MYH3: variants seen among roughly 807,000 people sequenced by gnomAD.
The protein encoded by MYH3 is myosin heavy chain 3.
In MYH3, 130 loss-of-function variants were observed where a neutral mutation model predicts 238.0. The ratio of observed to expected loss-of-function variants is 0.55; its 90% CI spans 0.47 to 0.63. The LOEUF is 0.63. MYH3 is among the 30% of genes least tolerant of loss of function. The pLI, the probability that MYH3 is intolerant of heterozygous loss-of-function variation, is 0.00. For synonymous variants in MYH3, 880 were observed against 924.1 expected (o/e 0.95, Z 0.86); for missense variants, 1,853 against 2,374.9 (o/e 0.78, Z 4.57).
At chr17:10,671,435 C>T in the MYH3 span, among the ~76,000 whole-genome samples, 1 of 152,250 alleles carries the variant, frequency 6.6e-6, no homozygotes, top group African/African-American at 2.4e-5. Context: ...TACCCCCATC[C>T]TCAATGGGTA....
intron 28 of MYH3, among the ~76,000 whole-genome samples, chr17:10,636,563 G>A (rs1210706637): frequency 1.3e-5 from 2 of 152,084 alleles, no homozygotes; most frequent in African/African-American, 4.8e-5. Flanking sequence ...ATAGAGGTAA[G>A]AGAAAAACAT....
intron 28 of MYH3, among the ~76,000 whole-genome samples, chr17:10,637,311 C>T (rs1438605384): frequency 1.3e-5 from 2 of 152,112 alleles, no homozygotes; most frequent in African/African-American, 4.8e-5. Context: ...CCGCCCGCCT[C>T]GGCCTCCCAA....
chr17:10,652,896 C>G (rs956500912), intron 3 of MYH3, among the ~76,000 whole-genome samples: 4 of 151,982 alleles, frequency 2.6e-5, no homozygotes, highest in African/African-American at 9.7e-5. Context: ...GCTGGGATTA[C>G]AGGTGTGAGG....
the MYH3 span, among the ~76,000 whole-genome samples, chr17:10,672,047 T>A: frequency 6.6e-6 from 1 of 152,182 alleles, no homozygotes; most frequent in African/African-American, 2.4e-5. Context: ...ACAAAAACCA[T>A]CCCTACTATT....
chr17:10,638,097 G>A lies in MYH3; in HGVS notation c.3675C>T (p.Phe1225=). 6.2e-7 allele frequency: 1 copy of A among 1,613,686 alleles called. No individual in the cohort carries two copies. The highest frequency in any genetic ancestry group is 8.5e-7 in the Non-Finnish European group (1 of 1,179,964). ...KQKLEKEKSE[F]KLEIDDLSSS... is the part of the protein sequence containing the mutation. ...TGGAGAGGTCATCGATCTCCAGCTT[G>A]AACTCGCTCTTCTCCTTCTCCAGCT... The change falls in exon 27 of 41, where the codon TTC becomes TTT. Residue 1225 remains phenylalanine (F), a synonymous_variant. Coordinates refer to ENST00000583535, the MANE Select transcript of MYH3 (RefSeq NM_002470.4).
chr17:10,640,593 G>A lies in MYH3; in HGVS notation c.2259C>T (p.Asp753=), dbSNP rs1370224271. ...TATGTCCAAATTTGTACTGAGTGTG[G>A]TCAATATCAATGGATGCCAGAAGCT... ...CEKLLASIDI[D]HTQYKFGHTK... The change falls in exon 20 of 41, where the codon GAC becomes GAT. Residue 753 remains aspartate (D), a synonymous_variant. Transcript: ENST00000583535. 3 of 1,614,212 alleles carry A rather than the reference G, an allele frequency of 1.9e-6. No individual in the cohort carries two copies. Among genetic ancestry groups the A allele is most frequent in the East Asian group, 2.2e-5 (1 of 44,890 alleles).
rs34695778 is a variant in MYH3 at position 10,642,832 on chromosome 17, G to A, written c.1575C>T (p.Ile525=). ...GMDLAACIEL[I]EKPMGIFSIL... is the part of the protein sequence containing the mutation. ...TGGGGATGGAACTGGATACCTTCTC[G>A]ATGAGCTCGATGCAGGCAGCCAGGT... The change falls in exon 15 of 41, where the codon ATC becomes ATT. Residue 525 remains isoleucine, a synonymous_variant. Transcript: ENST00000583535. This position sits in a 1 kb window ranked among gnomAD's most constrained non-coding sequence, Gnocchi z 5.4. 9.3e-4 allele frequency: 1,504 copies of A among 1,614,062 alleles called. 11 individuals carry two copies. In the African/African-American group the frequency reaches 0.018, roughly 19 times the overall value.
chr17:10,658,949 G>A (rs890837775), upstream of MYH3: 19 of 152,302 alleles, frequency 1.2e-4, no homozygotes, highest in African/African-American at 4.1e-4. Context: ...AAATATCACC[G>A]AGGGGAGCAG....
In MYH3 at chr17:10,640,342, ACCATCTTC is replaced by A. The variant is rs1244011607; in HGVS notation, c.2409_2416del (p.Gln803HisfsTer42). 1.2e-6 allele frequency: 2 copies of A among 1,614,120 alleles called. No homozygotes were observed. The highest frequency in any genetic ancestry group is 2.7e-5 in the African/African-American group (2 of 74,938). On this transcript the variant is annotated frameshift_variant, in exon 21 of 41. Coordinates refer to ENST00000583535, the MANE Select transcript of MYH3 (RefSeq NM_002470.4). LOFTEE classifies it high-confidence loss of function. ...AAAGACCCTGCTGGACCTCCTCTGC[ACCATCTTC>A]TGGAATTCCACACGCATGAGGAACC... is the stretch of plus-strand genomic sequence containing the variant.
chr17:10,637,731 C>G, intron 28 of MYH3, 78 bp downstream of exon 28: 1 of 1,592,554 alleles, frequency 6.3e-7, no homozygotes, highest in Non-Finnish European at 8.6e-7. Context: ...CAAACACACC[C>G]TGCCCTTGGT....
At chr17:10,636,103 T>C (rs2074213004) in intron 28 of MYH3, among the ~76,000 whole-genome samples, 1 of 151,862 alleles carries the variant, frequency 6.6e-6, no homozygotes, top group Non-Finnish European at 1.5e-5. Context: ...GGCAGGCAGA[T>C]CACAAGGTCA....
chr17:10,632,157 T>C (rs1397466783), intron 34 of MYH3, 141 bp from the exon 35 acceptor site: 1 of 1,177,102 alleles, frequency 8.5e-7, no homozygotes, highest in Admixed American at 2.0e-5. Flanking sequence ...GGTCTTGTTC[T>C]GTCACCCAAG....
intron 27 of MYH3, 38 bp downstream of exon 27, chr17:10,638,005 G>T: frequency 3.1e-6 from 5 of 1,614,062 alleles, no homozygotes; most frequent in Non-Finnish European, 4.2e-6. Context: ...GAGTGTGTCT[G>T]ATGGAAAGCC....
At chr17:10,663,348 GAGAA>G in the MYH3 span, among the ~76,000 whole-genome samples, 1 of 152,186 alleles carries the variant, frequency 6.6e-6, no homozygotes, top group African/African-American at 2.4e-5. Context: ...TCGAATGAGG[GAGAA>G]AGAATGTCTC....
intron 2 of MYH3, among the ~76,000 whole-genome samples, chr17:10,655,460 C>T (rs756001998): frequency 3.7e-4 from 57 of 152,200 alleles, no homozygotes; most frequent in African/African-American, 1.1e-3. Flanking sequence ...AAAAAATAAA[C>T]GCCATCTTCA....
chr17:10,644,063 G>A (rs2074297384), intron 14 of MYH3, among the ~76,000 whole-genome samples: 1 of 152,012 alleles, frequency 6.6e-6, no homozygotes, highest in Admixed American at 6.6e-5. Context: ...AGGAGGCTGA[G>A]GCAGGAGGTT....
chr17:10,653,368 G>A (rs2074397382), intron 3 of MYH3, among the ~76,000 whole-genome samples: 1 of 152,142 alleles, frequency 6.6e-6, no homozygotes, highest in Admixed American at 6.5e-5. Flanking sequence ...CCCATGGATT[G>A]CCAACATTCT....
In MYH3 at chr17:10,633,459, C is replaced by T. The variant is rs537191920; in HGVS notation, c.4647+132G>A. The T allele has an allele frequency of 7.1e-5, 79 of 1,113,610 alleles. 1 individual carries two copies. Among genetic ancestry groups the T allele is most frequent in the Admixed American group, 2.5e-4 (13 of 52,768 alleles). The allele number at this position is 1,113,610 out of a possible 1,614,324, so 69.0% of individuals were successfully genotyped here. A position where few individuals can be genotyped will look rare whatever the true frequency, so the allele number is the denominator to read the frequency against. On this transcript the variant is annotated intron_variant, in intron 33 of 40. Coordinates refer to ENST00000583535, the MANE Select transcript of MYH3 (RefSeq NM_002470.4). The stretch of plus-strand genomic sequence containing the variant: ...TCAGCCTCACAGTTTTGCTGTGTGA[C>T]GGGAAAGCAGCAGGCATTAGGACTG...
chr17:10,656,897 G>A (rs1031160613), intron 1 of MYH3, among the ~76,000 whole-genome samples: 5 of 152,174 alleles, frequency 3.3e-5, no homozygotes, highest in African/African-American at 4.8e-5. Flanking sequence ...GGGAAGGTGA[G>A]GGCAGAGTGA....
Sources: gnomAD v4.1 joint callset for allele counts (sites outside exome capture counted in the v4.1 genomes callset) on GRCh38, gnomAD v4.1.1 for gene constraint, Gnocchi (gnomAD v3.1) non-coding constraint, MANE v1.5 for transcripts, NCBI Gene and HGNC (gene_info 2026-07-23, HGNC 2026-07-21) for gene names.